The following CACNA1B variants were observed in gnomAD, a reference collection of about 807,000 sequenced individuals.
CACNA1B encodes calcium voltage-gated channel subunit alpha1 B, also known as voltage-dependent N-type calcium channel subunit alpha-1B.
Under a neutral mutation model 247.2 loss-of-function variants are expected in CACNA1B, and 70 were observed. The ratio of observed to expected loss-of-function variants is 0.28; its 90% confidence interval spans 0.23 to 0.35. The LOEUF (loss-of-function observed/expected upper bound fraction) is 0.35, where lower values mean the gene tolerates loss of function less well. CACNA1B is among the 10% of genes least tolerant of loss of function. CACNA1B has a pLI of 1.00. For missense variants in CACNA1B, 2,367 were observed against 3,197.4 expected, an observed-to-expected ratio of 0.74 and a Z score of 6.26; for synonymous variants, 1,231 against 1,294.4, an observed-to-expected ratio of 0.95 and a Z score of 1.05.
chr9:137,959,908 C>T (rs1957990877), intron 10 of CACNA1B, among the ~76,000 whole-genome samples: 1 of 152,118 alleles, frequency 6.6e-6, no homozygotes, highest in South Asian at 2.1e-4. Context: ...GAGCCCCTGT[C>T]CGGAGGAGGA....
chr9:137,888,396 G>A lies in CACNA1B; in HGVS notation c.530+5513G>A, dbSNP rs1370554434. On this transcript the variant is annotated intron_variant, in intron 3 of 46. Coordinates refer to ENST00000371372, the MANE Select transcript of CACNA1B (RefSeq NM_000718.4). This position sits in a 1 kb window ranked among gnomAD's most constrained non-coding sequence, Gnocchi z 4.7. ...GCCCCTGTCAAGCCTCTGGCCCTGT[G>A]GGGCTGGTTGCACCTGGGGGTCAGG... is the stretch of plus-strand genomic sequence containing the variant. 6.6e-6 allele frequency among the ~76,000 whole-genome samples: 1 copy of A among 152,148 alleles called. No individual in the cohort carries two copies. Among genetic ancestry groups the A allele is most frequent in the African/African-American group, 2.4e-5 (1 of 41,434 alleles).
chr9:138,036,295 A>T (rs1196725994), intron 20 of CACNA1B, among the ~76,000 whole-genome samples: 2 of 152,096 alleles, frequency 1.3e-5, no homozygotes, highest in Admixed American at 1.3e-4. Flanking sequence ...GCCCGCCACC[A>T]CGCCTGGCTT....
At chr9:138,092,477 T>G (rs1960911356) in intron 36 of CACNA1B, among the ~76,000 whole-genome samples, 1 of 152,260 alleles carries the variant, frequency 6.6e-6, no homozygotes, top group South Asian at 2.1e-4. Flanking sequence ...GACCTTATAG[T>G]TATCTCCCTT....
At position 138,012,114 on chromosome 9, in the gene CACNA1B, A is replaced by G. The variant is rs1290091754; in HGVS notation, c.2161-1015A>G. 6.6e-6 allele frequency among the ~76,000 whole-genome samples: 1 copy of G among 152,230 alleles called. No individual in the cohort carries two copies. The highest frequency in any genetic ancestry group is 2.1e-4 in the South Asian group (1 of 4,828). On this transcript the variant is annotated intron_variant, in intron 17 of 46. Transcript: ENST00000371372. This position sits in a 1 kb window ranked among gnomAD's most constrained non-coding sequence, Gnocchi z 4.2. ...GCACATGCCCAGCCCTGAGGGCAGGAGCCATGTGAAGTTCAGGGCCAGGCA... is the reference window on the plus strand; with the variant it reads ...GCACATGCCCAGCCCTGAGGGCAGGGGCCATGTGAAGTTCAGGGCCAGGCA...
rs1961926585 is a variant in CACNA1B at position 138,117,880 on chromosome 9, C to A, written c.5778-66C>A. On this transcript the variant is annotated intron_variant, in intron 42 of 46. Transcript: ENST00000371372. ...GGAGACGCCTGGCAGGTTGAAGCAC[C>A]AGGCTATTGGTAAGGCACCTGCAGT... is the stretch of plus-strand genomic sequence containing the variant. The A allele has an allele frequency of 7.5e-6, 10 of 1,339,494 alleles. No homozygotes were observed. In the South Asian group the frequency reaches 1.6e-4, roughly 22 times the overall value. 83.0% of individuals were successfully genotyped at this position (1,339,494 alleles called of 1,614,324 possible). A position where few individuals can be genotyped will look rare whatever the true frequency, so the allele number is the denominator to read the frequency against.
At chr9:137,931,395 T>A (rs2133304943) in intron 6 of CACNA1B, among the ~76,000 whole-genome samples, 1 of 152,248 alleles carries the variant, frequency 6.6e-6, no homozygotes, top group Non-Finnish European at 1.5e-5. Context: ...GTACTTTCCA[T>A]TTTTCGTCTG....
At chr9:137,878,334 C>A in intron 1 of CACNA1B, 117 bp downstream of exon 1, 4 of 959,226 alleles carry the variant, frequency 4.2e-6, no homozygotes, top group Non-Finnish European at 4.0e-6. Flanking sequence ...GGGAGACGGG[C>A]GAGGGGGGTA....
In CACNA1B at chr9:138,112,490, G is replaced by A. The variant is rs760262263; in HGVS notation, c.5521G>A (p.Val1841Ile). Reference protein sequence around the residue: ...NLPQKTLDLLVPPHKPDEMTV... With the variant: ...NLPQKTLDLLIPPHKPDEMTV... ...GCCCCAGAAGACTTTGGACTTGCTG[G>A]TACCACCCCATAAGCGTAAGTGTGA... The change falls in exon 40 of 47, where the codon GTA (valine) becomes ATA (isoleucine). Residue 1841 changes from valine (V) to isoleucine (I), a missense_variant. Physicochemically the swap from Val to Ile is conservative, Grantham distance 29 (BLOSUM62 3). Around this residue, in one of 12 missense-constraint regions of CACNA1B, gnomAD observed 773 missense variants for 779.4 expected, o/e 0.99. Transcript: ENST00000371372. 2.2e-5 allele frequency: 35 copies of A among 1,607,824 alleles called. No individual in the cohort carries two copies. The highest frequency in any genetic ancestry group is 3.3e-4 in the Middle Eastern group (2 of 6,074).
Position 138,063,247 on chromosome 9 carries a change from A to C in CACNA1B, c.4668+3510A>C, listed in dbSNP as rs375615037. On this transcript the variant is annotated intron_variant, in intron 31 of 46. Transcript: ENST00000371372. ...AGTGGCCACACCTGTGATCTCAGGG[A>C]TTTGGGAGGCCAAGGTAGAAAGATC... Among the ~76,000 whole-genome samples, 5 of 152,060 alleles carry C rather than the reference A, an allele frequency of 3.3e-5. No individual in the cohort carries two copies. In the East Asian group the frequency reaches 5.8e-4, roughly 18 times the overall value.
intron 15 of CACNA1B, among the ~76,000 whole-genome samples, chr9:137,992,036 A>G (rs1958437365): frequency 6.6e-6 from 1 of 152,226 alleles, no homozygotes; most frequent in Admixed American, 6.5e-5. Context: ...AATGAAAAAA[A>G]CAGCATGGTA....
chr9:138,010,329 A>G lies in CACNA1B; in HGVS notation c.2160+252A>G, dbSNP rs1958708270. 6.6e-6 allele frequency among the ~76,000 whole-genome samples: 1 copy of G among 152,204 alleles called. No individual in the cohort carries two copies. The highest frequency in any genetic ancestry group is 1.5e-5 in the Non-Finnish European group (1 of 68,016). On this transcript the variant is annotated intron_variant, in intron 17 of 46. Coordinates refer to ENST00000371372, the MANE Select transcript of CACNA1B (RefSeq NM_000718.4). This position sits in a 1 kb window ranked among gnomAD's most constrained non-coding sequence, Gnocchi z 5.3. ...CACAGGGAAGAATGGCCTGAACGGC[A>G]GGGTGTGCTGGGAGCAGGAGGGGCC...
At chr9:138,088,959 C>CAAAAAAAAAAAA (rs56112600) in intron 36 of CACNA1B, among the ~76,000 whole-genome samples, 4 of 61,426 alleles carry the variant, frequency 6.5e-5, no homozygotes, top group Admixed American at 3.0e-4. Context: ...AACTCCGTCT[C>CAAAAAAAAAAAA]AAAAAAAAAA....
intron 6 of CACNA1B, among the ~76,000 whole-genome samples, chr9:137,941,356 C>G (rs867310500): frequency 6.6e-6 from 1 of 152,098 alleles, no homozygotes. Flanking sequence ...AGCCAAAAAA[C>G]TTAGGAATAT....
rs557981522 is a variant in CACNA1B at position 137,915,822 on chromosome 9, TA to T, written c.775+1031del. 8.8e-3 allele frequency among the ~76,000 whole-genome samples: 1,146 copies of T among 130,538 alleles called. 4 individuals are homozygous for T. Among genetic ancestry groups the T allele is most frequent in the African/African-American group, 0.016 (571 of 35,476 alleles). The allele number at this position is 130,538 out of a possible 152,430, so 85.6% of individuals were successfully genotyped here. A position where few individuals can be genotyped will look rare whatever the true frequency, so the allele number is the denominator to read the frequency against. On this transcript the variant is annotated intron_variant, in intron 5 of 46. Transcript: ENST00000371372. ...TCATGAGACAAGAAAAAGAAAAAGTTAAAAAAAAAAAAAAAGAACTGGAAAG... is the reference window on the plus strand; with the variant it reads ...TCATGAGACAAGAAAAAGAAAAAGTTAAAAAAAAAAAAAAGAACTGGAAAG...
At chr9:138,104,342 A>T (rs986546862) in intron 38 of CACNA1B, among the ~76,000 whole-genome samples, 3 of 151,670 alleles carry the variant, frequency 2.0e-5, no homozygotes, top group Admixed American at 2.0e-4. Context: ...CCTTCTTGTA[A>T]ATCACCTGCC....
At chr9:137,953,062 C>T (rs1957897496) in intron 7 of CACNA1B, among the ~76,000 whole-genome samples, 1 of 152,162 alleles carries the variant, frequency 6.6e-6, no homozygotes, top group African/African-American at 2.4e-5. Context: ...AGAAAGAGTC[C>T]TCTCTGGGAG....
intron 36 of CACNA1B, among the ~76,000 whole-genome samples, chr9:138,091,693 T>C (rs1960884467): frequency 6.6e-6 from 1 of 151,872 alleles, no homozygotes; most frequent in African/African-American, 2.4e-5. Context: ...TACATGTCAA[T>C]TAAAAAAATA....
At chr9:138,026,249 T>G (rs1433396919) in intron 20 of CACNA1B, among the ~76,000 whole-genome samples, 1 of 152,206 alleles carries the variant, frequency 6.6e-6, no homozygotes, top group Non-Finnish European at 1.5e-5. Context: ...CCTTTTCCTT[T>G]GCTTCCTTGG....
chr9:137,993,678 ACG>A (rs1468448771), intron 15 of CACNA1B, among the ~76,000 whole-genome samples: 1 of 152,228 alleles, frequency 6.6e-6, no homozygotes, highest in East Asian at 1.9e-4. Context: ...CAGACCAGTA[ACG>A]AGTAGCGAGA....
Sources: allele counts gnomAD v4.1 joint callset (sites outside exome capture counted in the v4.1 genomes callset), GRCh38; gene constraint gnomAD v4.1.1; regional missense constraint gnomAD v4.1.1; non-coding constraint Gnocchi (gnomAD v3.1); transcripts MANE v1.5; gene names NCBI Gene and HGNC (gene_info 2026-07-23, HGNC 2026-07-21).